The following BRD4 variants were observed in gnomAD, a reference collection of about 807,000 sequenced individuals.
BRD4 encodes the protein bromodomain containing 4.
BRD4 carries 16 observed loss-of-function variants against 142.1 expected under a neutral mutation model. The observed-to-expected ratio is 0.11, with a 90% CI of 0.08 to 0.17. The LOEUF is 0.17. Among genes scored for constraint, BRD4 ranks in the 10% least tolerant of loss-of-function variants. The pLI is 1.00. For missense variants in BRD4, 1,424 were observed against 1,810.9 expected (o/e 0.79, Z 3.88); for synonymous variants, 833 against 707.5 (o/e 1.18, Z -2.82).
At position 15,272,919 on chromosome 19, in the gene BRD4, T is replaced by C; in HGVS notation, c.181A>G (p.Asn61Asp). ...ACTCTGAGCAGGTATTGCAGTTGGT[T>C]GGTCTGCCTCTTGGGCTTGTTAGGG... The part of the protein sequence containing the change: ...SNPNKPKRQT[N>D]QLQYLLRVVL... The change falls in exon 2 of 20, where the codon AAC (asparagine) becomes GAC (aspartate). Residue 61 changes from asparagine (N) to aspartate (D), a missense_variant. Asn to Asp is a conservative substitution (Grantham distance 23). Transcript: ENST00000679869. The C allele has an allele frequency of 6.2e-7, 1 of 1,614,076 alleles. No individual in the cohort carries two copies. Among genetic ancestry groups the C allele is most frequent in the Non-Finnish European group, 8.5e-7 (1 of 1,180,014 alleles).
Position 15,243,145 on chromosome 19 carries a change from G to A in BRD4, c.2924C>T (p.Pro975Leu). Reference protein sequence around the residue: ...SVQQQLQQQPPPPPPPQPQPP... With the variant: ...SVQQQLQQQPLPPPPPQPQPP... ...CTGGGGCTGGGGTGGTGGGGGTGGT[G>A]GCGGCTGCTGCTGCAGCTGCTGCTG... Residue 975 changes from proline to leucine, a missense_variant, in exon 14 of 20, where the codon CCA (proline) becomes CTA (leucine). Pro to Leu is a moderately conservative substitution (Grantham distance 98). Around this residue, in one of 16 missense-constraint regions of BRD4, gnomAD observed 598 missense variants for 647.8 expected, o/e 0.92. Transcript: ENST00000679869. 1 of 1,165,674 alleles carries A rather than the reference G, an allele frequency of 8.6e-7. No individual in the cohort carries two copies. Among genetic ancestry groups the A allele is most frequent in the Non-Finnish European group, 1.2e-6 (1 of 855,000 alleles). The allele number at this position is 1,165,674 out of a possible 1,614,324, so 72.2% of individuals were successfully genotyped here. A position where few individuals can be genotyped will look rare whatever the true frequency, so the allele number is the denominator to read the frequency against.
chr19:15,246,972 G>C (rs2047293502), intron 11 of BRD4: 2 of 179,368 alleles, frequency 1.1e-5, no homozygotes, highest in East Asian at 1.9e-4. Context: ...GACAAGACAG[G>C]AAGTGCACAG....
intron 8 of BRD4, 91 bp downstream of exon 8, chr19:15,256,873 C>T (rs549039866): frequency 8.7e-5 from 107 of 1,232,034 alleles, no homozygotes; most frequent in Admixed American, 3.1e-4. Context: ...CTTGGGAACT[C>T]AGAACCAAGA....
chr19:15,273,390 C>G (rs1376707504), intron 1 of BRD4, among the ~76,000 whole-genome samples: 1 of 152,198 alleles, frequency 6.6e-6, no homozygotes, highest in Middle Eastern at 3.2e-3. Context: ...CCACTAGGAG[C>G]CAGCAAAGGC....
chr19:15,320,371 T>C (rs1428596516), intron 1 of BRD4, among the ~76,000 whole-genome samples: 2 of 152,116 alleles, frequency 1.3e-5, no homozygotes, highest in Non-Finnish European at 2.9e-5. Flanking sequence ...GCTTAGCAAA[T>C]AGCAAAATTA....
intron 1 of BRD4, among the ~76,000 whole-genome samples, chr19:15,324,205 G>C (rs2048088724): frequency 6.6e-6 from 1 of 152,162 alleles, no homozygotes; most frequent in Admixed American, 6.6e-5. Context: ...CACATGCCTG[G>C]GGAGGGGGGA....
chr19:15,248,372 G>A (rs2047310725), intron 11 of BRD4: 1 of 214,966 alleles, frequency 4.7e-6, no homozygotes, highest in South Asian at 1.9e-4. Context: ...AGTCCCTGAG[G>A]GTCTGTGACA....
intron 6 of BRD4, chr19:15,264,096 A>G (rs2047504330): frequency 2.9e-6 from 1 of 339,576 alleles, no homozygotes; most frequent in Admixed American, 4.5e-5. Context: ...CCCATGGAGC[A>G]TCTACTGTGT....
rs766766367 is a variant in BRD4, at chr19:15,238,989, A to AG, written c.3783-10dup. The AG allele has an allele frequency of 1.9e-6, 3 of 1,581,002 alleles. No individual in the cohort carries two copies. The highest frequency in any genetic ancestry group is 2.2e-5 in the South Asian group (2 of 89,162). On this transcript the variant is annotated splice_polypyrimidine_tract_variant and intron_variant, in intron 18 of 19. Coordinates refer to ENST00000679869, the MANE Select transcript of BRD4 (RefSeq NM_001379291.1). This position sits in a 1 kb window ranked among gnomAD's most constrained non-coding sequence, Gnocchi z 7.2. ...CCTCGTCCTCTCGGCTCCTGGGCAG[A>AG]GGGTCCCAGTCAGCCTGGGGACTGG...
chr19:15,254,339 T>G, intron 10 of BRD4, 77 bp from the exon 11 acceptor site: 1 of 1,252,680 alleles, frequency 8.0e-7, no homozygotes, highest in Non-Finnish European at 1.2e-6. Flanking sequence ...GCACACCCCA[T>G]CCATCTGGAG....
chr19:15,261,136 G>C (rs1001422796), intron 7 of BRD4, among the ~76,000 whole-genome samples: 1 of 152,198 alleles, frequency 6.6e-6, no homozygotes, highest in Non-Finnish European at 1.5e-5. Context: ...GGAGTTGAAG[G>C]CACCAATCTG....
At chr19:15,306,804 C>T (rs2047918009) in intron 1 of BRD4, among the ~76,000 whole-genome samples, 1 of 151,866 alleles carries the variant, frequency 6.6e-6, no homozygotes, top group African/African-American at 2.4e-5. Flanking sequence ...TTTGTGGTTC[C>T]CCAAAACTAT....
intron 1 of BRD4, among the ~76,000 whole-genome samples, chr19:15,315,513 G>T (rs559421854): frequency 1.5e-4 from 23 of 152,158 alleles, no homozygotes; most frequent in African/African-American, 2.7e-4. Flanking sequence ...AGGGGATTGG[G>T]GGGGGGAAGC....
Position 15,238,947 on chromosome 19 carries a change from G to A in BRD4, c.3816C>T (p.Ala1272=), listed in dbSNP as rs1197701441. The change falls in exon 19 of 20, where the codon GCC becomes GCT. Residue 1272 remains alanine, a synonymous_variant. Coordinates refer to ENST00000679869, the MANE Select transcript of BRD4 (RefSeq NM_001379291.1). The surrounding 1 kb of genome is among the most constrained non-coding windows in gnomAD (Gnocchi z 7.2). The part of the protein sequence containing the change: ...SREDEDALEQ[A]RRAHEEARRR... ...GACGTGCCTCCTCATGGGCCCGCCG[G>A]GCCTGCTCCAGCGCATCCTCGTCCT... 1.3e-6 allele frequency: 2 copies of A among 1,597,144 alleles called. No individual in the cohort carries two copies. The highest frequency in any genetic ancestry group is 1.7e-6 in the Non-Finnish European group (2 of 1,174,088).
At chr19:15,273,432 G>A (rs1452652748) in intron 1 of BRD4, among the ~76,000 whole-genome samples, 2 of 152,226 alleles carry the variant, frequency 1.3e-5, no homozygotes, top group African/African-American at 4.8e-5. Context: ...GGGGAAGGAT[G>A]TACAATGAAG....
At chr19:15,313,374 A>T (rs1473410401) in intron 1 of BRD4, among the ~76,000 whole-genome samples, 7 of 26,180 alleles carry the variant, frequency 2.7e-4, no homozygotes, top group African/African-American at 2.8e-4. Context: ...CTCCATCTTT[A>T]AAAAAAAAAA....
chr19:15,306,356 C>T (rs2047913734), intron 1 of BRD4, among the ~76,000 whole-genome samples: 1 of 152,160 alleles, frequency 6.6e-6, no homozygotes, highest in Admixed American at 6.6e-5. Context: ...GCAGCCTCAA[C>T]CTCCTAGGCT....
chr19:15,330,930 T>G (rs1027414434), intron 1 of BRD4, among the ~76,000 whole-genome samples: 1 of 152,120 alleles, frequency 6.6e-6, no homozygotes. Context: ...CTCCCGACCA[T>G]TGTTACAGCC....
intron 11 of BRD4, chr19:15,247,505 G>C (rs995637970): frequency 4.3e-6 from 1 of 233,104 alleles, no homozygotes; most frequent in Non-Finnish European, 8.5e-6. Context: ...GGACAGCGAG[G>C]TTGAAAGGAC....
Sources: gnomAD v4.1 joint callset for allele counts (sites outside exome capture counted in the v4.1 genomes callset) on GRCh38, gnomAD v4.1.1 for gene constraint, gnomAD v4.1.1 regional missense constraint, Gnocchi (gnomAD v3.1) non-coding constraint, MANE v1.5 for transcripts, NCBI Gene and HGNC (gene_info 2026-07-23, HGNC 2026-07-21) for gene names.